The following FBH1 variants were observed in gnomAD, a reference collection of about 807,000 sequenced individuals.
FBH1 encodes the protein DNA 3'-5' helicase 1.
FBH1 carries 43 observed loss-of-function variants against 115.5 expected under a neutral mutation model. That is an observed-to-expected ratio of 0.37 (90% CI 0.29 to 0.48). The LOEUF is 0.48. Among genes scored for constraint, FBH1 ranks in the 20% least tolerant of loss-of-function variants. FBH1 has a pLI of 0.99. For synonymous variants in FBH1, 524 were observed against 507.8 expected, an observed-to-expected ratio of 1.03 and a Z score of -0.43; for missense variants, 1,001 against 1,337.3, an observed-to-expected ratio of 0.75 and a Z score of 3.92.
chr10:5,936,723 C>A lies in FBH1; in HGVS notation c.2961+136C>A. 8.7e-7 allele frequency: 1 copy of A among 1,146,140 alleles called. No homozygotes were observed. Among genetic ancestry groups the A allele is most frequent in the Non-Finnish European group, 1.2e-6 (1 of 804,942 alleles). 71.0% of individuals were successfully genotyped at this position (1,146,140 alleles called of 1,614,324 possible). ...TATTAGGGGCTTTTCATATGAGAGG[C>A]ACAAGAGGTGTGTGGTCTGTCCCAG... is the stretch of plus-strand genomic sequence containing the variant. On this transcript the variant is annotated intron_variant, in intron 20 of 20. Coordinates refer to ENST00000362091, the MANE Select transcript of FBH1 (RefSeq NM_178150.3). The surrounding 1 kb of genome is among the most constrained non-coding windows in gnomAD (Gnocchi z 5.6).
At position 5,900,422 on chromosome 10, in the gene FBH1, G is replaced by T. The variant is rs1843273691; in HGVS notation, c.2-2598G>T. ...AGAGCAACCAAGTGGCCAGCTGAGG[G>T]TGCCAGCCCAGCCCTCCCGCCAGGC... On this transcript the variant is annotated intron_variant, in intron 1 of 20. Transcript: ENST00000362091. This position sits in a 1 kb window ranked among gnomAD's most constrained non-coding sequence, Gnocchi z 4.2. Among the ~76,000 whole-genome samples, 1 of 152,232 alleles carries T rather than the reference G, an allele frequency of 6.6e-6. No individual in the cohort carries two copies. The highest frequency in any genetic ancestry group is 1.5e-5 in the Non-Finnish European group (1 of 68,046).
Position 5,911,025 on chromosome 10 carries a change from A to G in FBH1, c.1108A>G (p.Arg370Gly). ...CCAGCGACTGCTCTTCTGCCTCCGG[A>G]GACCCAGCTCCACGGTGACCATGCC... ...DIQRLLFCLR[R>G]PSSTVTMPDV... Residue 370 changes from arginine (R) to glycine (G), a missense_variant, in exon 6 of 21, where the codon AGA (arginine) becomes GGA (glycine). By Grantham distance (125) the Arg-to-Gly change is moderately radical (BLOSUM62 -2). Transcript: ENST00000362091. The surrounding 1 kb of genome is among the most constrained non-coding windows in gnomAD (Gnocchi z 5.4). 1 of 1,613,048 alleles carries G rather than the reference A, an allele frequency of 6.2e-7. No homozygotes were observed. The highest frequency in any genetic ancestry group is 8.5e-7 in the Non-Finnish European group (1 of 1,180,004).
intron 1 of FBH1, among the ~76,000 whole-genome samples, chr10:5,902,419 A>G (rs1238478277): frequency 6.6e-6 from 1 of 152,224 alleles, no homozygotes. Flanking sequence ...TGATTATAAT[A>G]GAAATATAAA....
Position 5,921,271 on chromosome 10 carries a change from G to A in FBH1, c.2114G>A (p.Gly705Asp). Residue 705 changes from glycine to aspartate, a missense_variant, in exon 14 of 21, where the codon GGT (glycine) becomes GAT (aspartate). By Grantham distance (94) the Gly-to-Asp change is moderately conservative (BLOSUM62 -1). Around this residue, in one of 4 missense-constraint regions of FBH1, gnomAD observed 521 missense variants for 811.0 expected, o/e 0.64. Transcript: ENST00000362091. This position sits in a 1 kb window ranked among gnomAD's most constrained non-coding sequence, Gnocchi z 6.4. ...VFYLTQSFRF[G>D]VEIAYVGATI... is the part of the protein sequence containing the mutation. ...TGTTGTTTTCAGAGTTTTCGGTTTG[G>A]TGTGGAAATAGCTTATGTGGGAGCT... The A allele has an allele frequency of 1.9e-6, 3 of 1,614,186 alleles. No individual in the cohort carries two copies. Among genetic ancestry groups the A allele is most frequent in the Non-Finnish European group, 2.5e-6 (3 of 1,180,010 alleles).
intron 13 of FBH1, among the ~76,000 whole-genome samples, chr10:5,920,054 T>G (rs1230370086): frequency 6.6e-6 from 1 of 152,238 alleles, no homozygotes; most frequent in African/African-American, 2.4e-5. Context: ...CAGGAGCCCA[T>G]CCAGGATCCC....
At chr10:5,905,692 G>A (rs1265747105) in intron 2 of FBH1, among the ~76,000 whole-genome samples, 4 of 152,282 alleles carry the variant, frequency 2.6e-5, no homozygotes, top group South Asian at 4.1e-4. Flanking sequence ...TGTGAGTGGC[G>A]GTGTGGTTGT....
chr10:5,899,779 G>A lies in FBH1; in HGVS notation c.2-3241G>A, dbSNP rs1049031806. On this transcript the variant is annotated intron_variant, in intron 1 of 20. Transcript: ENST00000362091. The stretch of plus-strand genomic sequence containing the variant: ...CCCATTCAGGCAAAATAGTCCTTGC[G>A]TTATATTTGTAATATGAAGGGTTTT... 1.2e-4 allele frequency among the ~76,000 whole-genome samples: 18 copies of A among 152,136 alleles called. 1 individual carries two copies. The highest frequency in any genetic ancestry group is 1.1e-3 in the Admixed American group (17 of 15,276).
chr10:5,909,047 C>A lies in FBH1; in HGVS notation c.876C>A (p.Asn292Lys). Residue 292 changes from asparagine to lysine, a missense_variant, in exon 4 of 21, where the codon AAC becomes AAA. Transcript: ENST00000362091. The surrounding 1 kb of genome is among the most constrained non-coding windows in gnomAD (Gnocchi z 4.4). Reference sequence around the variant, plus strand: ...AGGAGTCAGACCTGTGTGTGCTGAACCTCATACGGTGAGCTTTGCCTGTGC... The same window carrying A: ...AGGAGTCAGACCTGTGTGTGCTGAAACTCATACGGTGAGCTTTGCCTGTGC... ...IEKESDLCVL[N>K]LIRYTATTKC... The A allele has an allele frequency of 6.2e-7, 1 of 1,614,166 alleles. No individual in the cohort carries two copies.
rs2131998669 is a variant in FBH1 at position 5,915,253 on chromosome 10, G to T, written c.1397-150G>T. 5.3e-6 allele frequency: 4 copies of T among 752,264 alleles called. No individual in the cohort carries two copies. Among genetic ancestry groups the T allele is most frequent in the Non-Finnish European group, 8.4e-6 (4 of 478,950 alleles). 46.6% of individuals were successfully genotyped at this position (752,264 alleles called of 1,614,324 possible). On this transcript the variant is annotated intron_variant, in intron 8 of 20. Transcript: ENST00000362091. This position sits in a 1 kb window ranked among gnomAD's most constrained non-coding sequence, Gnocchi z 5.2. Reference sequence around the variant, plus strand: ...CTGGCTTTGAATCTGCTGCTCTTTTGGTGGCACTACTTTTACCAGCACTGA... The same window carrying T: ...CTGGCTTTGAATCTGCTGCTCTTTTTGTGGCACTACTTTTACCAGCACTGA...
At position 5,909,163 on chromosome 10, in the gene FBH1, A is replaced by C; in HGVS notation, c.889A>C (p.Thr297Pro). 2 of 1,613,634 alleles carry C rather than the reference A, an allele frequency of 1.2e-6. No homozygotes were observed. Among genetic ancestry groups the C allele is most frequent in the Non-Finnish European group, 1.7e-6 (2 of 1,179,972 alleles). Residue 297 changes from threonine (T) to proline (P), a missense_variant, in exon 5 of 21, where the codon ACA becomes CCA. Thr to Pro is a conservative substitution (Grantham distance 38, BLOSUM62 -1). This residue lies in a region of FBH1 where 420 missense variants were observed against 430.4 expected (regional missense o/e 0.98). Transcript: ENST00000362091. This position sits in a 1 kb window ranked among gnomAD's most constrained non-coding sequence, Gnocchi z 4.4. ...TCTCCTGTGAATGTCTTACAGATAC[A>C]CAGCCACCACTAAGTGCTCTCCGAG... ...DLCVLNLIRYTATTKCSPSVD... is the reference protein window; with the variant it reads ...DLCVLNLIRYPATTKCSPSVD...
chr10:5,919,672 G>A (rs1023465376), intron 13 of FBH1, among the ~76,000 whole-genome samples: 2 of 152,168 alleles, frequency 1.3e-5, no homozygotes, highest in African/African-American at 4.8e-5. Flanking sequence ...TTTCTGATTA[G>A]AAGAGATGTC....
At position 5,897,586 on chromosome 10, in the gene FBH1, C is replaced by T. The variant is rs1377379018; in HGVS notation, c.2-5434C>T. 4.6e-5 allele frequency among the ~76,000 whole-genome samples: 7 copies of T among 152,188 alleles called. No homozygotes were observed. The highest frequency in any genetic ancestry group is 1.4e-4 in the African/African-American group (6 of 41,432). ...TGTTAATAAAAATCCAATAAAAGTA[C>T]CAGCTCTCCCGCCAGCCAAACTATG... On this transcript the variant is annotated intron_variant, in intron 1 of 20. Transcript: ENST00000362091. This position sits in a 1 kb window ranked among gnomAD's most constrained non-coding sequence, Gnocchi z 4.7.
intron 1 of FBH1, chr10:5,894,469 C>T: frequency 7.4e-7 from 1 of 1,343,212 alleles, no homozygotes; most frequent in Non-Finnish European, 1.1e-6. Context: ...GACCCGGGTT[C>T]TTGTGTTGGC....
At chr10:5,930,561 C>A (rs75123639) in intron 19 of FBH1, among the ~76,000 whole-genome samples, 1 of 152,168 alleles carries the variant, frequency 6.6e-6, no homozygotes, top group African/African-American at 2.4e-5. Flanking sequence ...CATGGGAGGC[C>A]GGAGAGGGCT....
intron 3 of FBH1, among the ~76,000 whole-genome samples, chr10:5,908,633 A>T (rs543525966): frequency 7.5e-5 from 11 of 146,742 alleles, no homozygotes; most frequent in African/African-American, 2.5e-4. Context: ...ATGGAGTCTC[A>T]CTCTGTCACC....
At chr10:5,903,221 G>T in intron 2 of FBH1, 46 bp downstream of exon 2, 1 of 1,474,780 alleles carries the variant, frequency 6.8e-7, no homozygotes, top group Non-Finnish European at 9.2e-7. Context: ...TGTAGTGTGT[G>T]GGTCCTTTGA....
chr10:5,907,472 GTT>G (rs34817242), intron 3 of FBH1, among the ~76,000 whole-genome samples: 11 of 111,224 alleles, frequency 9.9e-5, no homozygotes, highest in African/African-American at 2.6e-4. Flanking sequence ...GTTGTTGTTG[GTT>G]TTTTTTTTTT....
intron 19 of FBH1, among the ~76,000 whole-genome samples, 156 bp downstream of exon 19, chr10:5,927,697 A>AG (rs1329748189): frequency 6.6e-6 from 1 of 152,196 alleles, no homozygotes. Context: ...GACCAGTATA[A>AG]GAAGTGTTCT....
Position 5,936,455 on chromosome 10 carries a change from G to T in FBH1, c.2830-1G>T. The T allele has an allele frequency of 6.2e-7, 1 of 1,613,558 alleles. No individual in the cohort carries two copies. The highest frequency in any genetic ancestry group is 8.5e-7 in the Non-Finnish European group (1 of 1,179,790). ...TCTCTTTCTCGCTCTTTCTTTCTCAGGAGTACTTCTTGCAAGCAGAGCTGA... is the reference window on the plus strand; with the variant it reads ...TCTCTTTCTCGCTCTTTCTTTCTCATGAGTACTTCTTGCAAGCAGAGCTGA... On this transcript the variant is annotated splice_acceptor_variant, in intron 19 of 20. Transcript: ENST00000362091. LOFTEE classifies it high-confidence loss of function. This position sits in a 1 kb window ranked among gnomAD's most constrained non-coding sequence, Gnocchi z 5.6.
Sources: gnomAD v4.1 joint callset for allele counts (sites outside exome capture counted in the v4.1 genomes callset) on GRCh38, gnomAD v4.1.1 for gene constraint, gnomAD v4.1.1 regional missense constraint, Gnocchi (gnomAD v3.1) non-coding constraint, MANE v1.5 for transcripts, NCBI Gene and HGNC (gene_info 2026-07-23, HGNC 2026-07-21) for gene names.